The following DNAJC16 variants were observed in gnomAD, a reference collection of about 807,000 sequenced individuals.
The protein encoded by DNAJC16 is DnaJ heat shock protein family (Hsp40) member C16.
Under a neutral mutation model 92.7 loss-of-function variants are expected in DNAJC16, and 76 were observed. The ratio of observed to expected loss-of-function variants is 0.82; its 90% CI spans 0.68 to 0.99. The LOEUF is 0.99. Among genes scored for constraint, DNAJC16 ranks in the 50% least tolerant of loss-of-function variants. The pLI is 0.00. For synonymous variants in DNAJC16, 328 were observed against 358.7 expected, an observed-to-expected ratio of 0.91 and a Z score of 0.97; for missense variants, 869 against 942.4, an observed-to-expected ratio of 0.92 and a Z score of 1.02.
At chr1:15,552,944 A>G (rs1489752331) in intron 7 of DNAJC16, among the ~76,000 whole-genome samples, 1 of 150,976 alleles carries the variant, frequency 6.6e-6, no homozygotes, top group Non-Finnish European at 1.5e-5. Flanking sequence ...ATTTTTTTGT[A>G]TTTTTAATAG....
chr1:15,566,088 T>C lies in DNAJC16; in HGVS notation c.1686T>C (p.Ser562=). The change falls in exon 13 of 15, where the codon TCT becomes TCC. Residue 562 remains serine, a synonymous_variant. Coordinates refer to ENST00000375847, the MANE Select transcript of DNAJC16 (RefSeq NM_015291.4). ...GTVIVQAFSD[S]NDERESSPPE... Reference sequence around the variant, plus strand: ...TCCTTTTTTCTTACTTTAGCGACTCTAATGATGAGCGAGAGTCAAGCCCTC... The same window carrying C: ...TCCTTTTTTCTTACTTTAGCGACTCCAATGATGAGCGAGAGTCAAGCCCTC... The C allele has an allele frequency of 6.2e-7, 1 of 1,613,820 alleles. No individual in the cohort carries two copies. The highest frequency in any genetic ancestry group is 8.5e-7 in the Non-Finnish European group (1 of 1,179,982).
intron 14 of DNAJC16, 123 bp from the exon 15 acceptor site, chr1:15,567,655 G>C: frequency 9.0e-7 from 1 of 1,109,900 alleles, no homozygotes; most frequent in Non-Finnish European, 1.3e-6. Context: ...TTTTCTCTGT[G>C]TTCAGGCCCC....
At position 15,567,254 on chromosome 1, in the gene DNAJC16, T is replaced by G; in HGVS notation, c.1934T>G (p.Val645Gly). Residue 645 changes from valine (V) to glycine (G), a missense_variant, in exon 14 of 15, where the codon GTC becomes GGC. Coordinates refer to ENST00000375847, the MANE Select transcript of DNAJC16 (RefSeq NM_015291.4). ...CTACTACAGAAATTTGCTTTGGAGGTCTACACATTTACTGGGTAAGCATGT... is the reference window on the plus strand; with the variant it reads ...CTACTACAGAAATTTGCTTTGGAGGGCTACACATTTACTGGGTAAGCATGT... ...TSLLQKFALE[V>G]YTFTGSSCLH... 1 of 1,613,748 alleles carries G rather than the reference T, an allele frequency of 6.2e-7. No homozygotes were observed. The highest frequency in any genetic ancestry group is 8.5e-7 in the Non-Finnish European group (1 of 1,179,700).
At chr1:15,551,796 G>C (rs1176666291) in intron 7 of DNAJC16, among the ~76,000 whole-genome samples, 3 of 151,284 alleles carry the variant, frequency 2.0e-5, no homozygotes, top group Admixed American at 6.6e-5. Flanking sequence ...AATTTTTTTT[G>C]CTGAGGCAGG....
At chr1:15,549,738 C>CA (rs560214559) in intron 7 of DNAJC16, among the ~76,000 whole-genome samples, 2 of 148,150 alleles carry the variant, frequency 1.3e-5, no homozygotes, top group Non-Finnish European at 3.0e-5. Flanking sequence ...GGCGTGAACC[C>CA]AGGAGGCGGA....
rs760938421 is a variant in DNAJC16 at position 15,562,352 on chromosome 1, C to G, written c.1338+27C>G. ...TAAGCCACAGAGTCTCTCCTCATCC[C>G]AGGCTCTTCATAACCATGTGGCACT... On this transcript the variant is annotated intron_variant, in intron 9 of 14. Transcript: ENST00000375847. The G allele has an allele frequency of 2.5e-6, 4 of 1,589,934 alleles. No homozygotes were observed. The African/African-American group carries it at 4.0e-5, about 16-fold the overall frequency.
chr1:15,542,374 G>GCTGAACACATGGAGGTGC (rs1235351571), intron 4 of DNAJC16: 6 of 152,384 alleles, frequency 3.9e-5, no homozygotes, highest in Non-Finnish European at 7.3e-5. Flanking sequence ...TTCCCAGGTG[G>GCTGAACACATGGAGGTGC]CTGAACACAT....
Position 15,559,649 on chromosome 1 carries a change from C to A in DNAJC16, c.1147C>A (p.Gln383Lys). The A allele has an allele frequency of 6.2e-7, 1 of 1,613,942 alleles. No individual in the cohort carries two copies. Among genetic ancestry groups the A allele is most frequent in the Non-Finnish European group, 8.5e-7 (1 of 1,179,930 alleles). ...CTGCCCTGTGAAACGGTCGCATCGA[C>A]AGAGGAAGTAAGGACTTAAGGCTTT... is the stretch of plus-strand genomic sequence containing the variant. ...ELCPVKRSHR[Q>K]RKYCVVLLTA... The change falls in exon 8 of 15, where the codon CAG becomes AAG. Residue 383 changes from glutamine to lysine, a missense_variant. By Grantham distance (53) the Gln-to-Lys change is moderately conservative. Coordinates refer to ENST00000375847, the MANE Select transcript of DNAJC16 (RefSeq NM_015291.4).
chr1:15,529,872 G>A (rs1345642845), intron 2 of DNAJC16, among the ~76,000 whole-genome samples: 3 of 152,008 alleles, frequency 2.0e-5, no homozygotes, highest in Non-Finnish European at 2.9e-5. Context: ...ATCTATGCAC[G>A]TCCTCTCATA....
intron 1 of DNAJC16, among the ~76,000 whole-genome samples, chr1:15,527,182 G>T (rs562856719): frequency 6.6e-6 from 1 of 151,902 alleles, no homozygotes; most frequent in Non-Finnish European, 1.5e-5. Flanking sequence ...CTTAGACCTG[G>T]AGCTTGTCTC....
intron 7 of DNAJC16, among the ~76,000 whole-genome samples, chr1:15,549,853 G>A (rs555139575): frequency 6.6e-5 from 10 of 151,846 alleles, no homozygotes; most frequent in Admixed American, 6.6e-4. Context: ...TTTTGAGCGA[G>A]GGGGACCATG....
intron 7 of DNAJC16, 149 bp downstream of exon 7, chr1:15,548,577 G>A (rs892224202): frequency 1.5e-5 from 12 of 780,478 alleles, no homozygotes; most frequent in Non-Finnish European, 2.1e-5. Flanking sequence ...TATCTAACTT[G>A]GTACCGTTTG....
chr1:15,527,747 C>T (rs2103398492), intron 1 of DNAJC16, among the ~76,000 whole-genome samples: 1 of 152,222 alleles, frequency 6.6e-6, no homozygotes, highest in South Asian at 2.1e-4. Flanking sequence ...GTGAGGACTC[C>T]CAGGCGGCAT....
chr1:15,562,450 T>C (rs1415028643), intron 9 of DNAJC16, 125 bp downstream of exon 9: 1 of 1,069,994 alleles, frequency 9.3e-7, no homozygotes, highest in Non-Finnish European at 1.3e-6. Flanking sequence ...AAGCCTATTT[T>C]CAAAGTCTAC....
intron 2 of DNAJC16, among the ~76,000 whole-genome samples, chr1:15,529,929 A>C (rs1710615513): frequency 6.6e-6 from 1 of 152,208 alleles, no homozygotes; most frequent in African/African-American, 2.4e-5. Context: ...ATACAATGTA[A>C]CTGCTGTGCA....
intron 7 of DNAJC16, among the ~76,000 whole-genome samples, chr1:15,554,498 G>A (rs1638521517): frequency 6.6e-6 from 1 of 151,980 alleles, no homozygotes; most frequent in Non-Finnish European, 1.5e-5. Flanking sequence ...GTATAGCTTT[G>A]CCTTTTATAT....
rs190930931 is a variant in DNAJC16 at position 15,537,629 on chromosome 1, G to A, written c.574+815G>A. ...CCAATTACTGTATTAGACACTAAAG[G>A]ATATATAATAATAATAATTTTTATT... On this transcript the variant is annotated intron_variant, in intron 4 of 14. Coordinates refer to ENST00000375847, the MANE Select transcript of DNAJC16 (RefSeq NM_015291.4). 4.3e-3 allele frequency among the ~76,000 whole-genome samples: 650 copies of A among 152,136 alleles called. 3 individuals are homozygous for A. The highest frequency in any genetic ancestry group is 7.9e-3 in the Non-Finnish European group (534 of 68,002).
At position 15,567,237 on chromosome 1, in the gene DNAJC16, G is replaced by A. The variant is rs1188661504; in HGVS notation, c.1917G>A (p.Gln639=). 2 of 1,613,700 alleles carry A rather than the reference G, an allele frequency of 1.2e-6. No individual in the cohort carries two copies. The highest frequency in any genetic ancestry group is 1.3e-5 in the African/African-American group (1 of 74,866). The change falls in exon 14 of 15, where the codon CAG becomes CAA. Residue 639 remains glutamine, a synonymous_variant. Coordinates refer to ENST00000375847, the MANE Select transcript of DNAJC16 (RefSeq NM_015291.4). ...LSNSTKTSLL[Q]KFALEVYTFT... ...ATTCTACCAAGACCAGCCTACTACA[G>A]AAATTTGCTTTGGAGGTCTACACAT...
intron 7 of DNAJC16, among the ~76,000 whole-genome samples, chr1:15,558,225 G>C (rs1378000510): frequency 7.3e-6 from 1 of 137,242 alleles, no homozygotes; most frequent in Non-Finnish European, 1.5e-5. Context: ...CTGTCACACA[G>C]GCTAGAGTCC....
Sources: gnomAD v4.1 joint callset for allele counts (sites outside exome capture counted in the v4.1 genomes callset) on GRCh38, gnomAD v4.1.1 for gene constraint, MANE v1.5 for transcripts, NCBI Gene and HGNC (gene_info 2026-07-23, HGNC 2026-07-21) for gene names.